NAV3: variants seen among roughly 807,000 people sequenced by gnomAD.
The protein encoded by NAV3 is pore membrane and/or filament interacting like protein 1.
Under a neutral mutation model 244.7 loss-of-function variants are expected in NAV3, and 87 were observed. The ratio of observed to expected loss-of-function variants is 0.36; its 90% CI spans 0.30 to 0.42. The LOEUF (loss-of-function observed/expected upper bound fraction) is 0.42, where lower values mean the gene tolerates loss of function less well. Among genes scored for constraint, NAV3 ranks in the 20% least tolerant of loss-of-function variants. The pLI is 1.00. For synonymous variants in NAV3, 1,126 were observed against 1,042.2 expected (o/e 1.08, Z -1.55); for missense variants, 2,663 against 2,893.3 (o/e 0.92, Z 1.83).
intron 1 of NAV3, among the ~76,000 whole-genome samples, chr12:77,885,137 T>C (rs1416939842): frequency 6.6e-6 from 1 of 152,102 alleles, no homozygotes; most frequent in Non-Finnish European, 1.5e-5. Flanking sequence ...TAATCATTTA[T>C]CTTGAAAGCG....
At chr12:78,016,117 A>G (rs949255757) in intron 8 of NAV3, among the ~76,000 whole-genome samples, 1 of 151,684 alleles carries the variant, frequency 6.6e-6, no homozygotes, top group South Asian at 2.1e-4. Context: ...CACATTCCCT[A>G]ACTTGGCTTT....
intron 15 of NAV3, among the ~76,000 whole-genome samples, chr12:78,120,307 A>G (rs1368701323): frequency 6.6e-6 from 1 of 152,182 alleles, no homozygotes; most frequent in Non-Finnish European, 1.5e-5. Flanking sequence ...TCACATTAAA[A>G]ATTAAAACCA....
intron 2 of NAV3, among the ~76,000 whole-genome samples, chr12:77,809,668 C>G (rs1448113261): frequency 6.6e-6 from 1 of 152,128 alleles, no homozygotes; most frequent in Non-Finnish European, 1.5e-5. Context: ...CCCAGTGAAC[C>G]TGAGGATGAG....
intron 2 of NAV3, among the ~76,000 whole-genome samples, chr12:77,734,329 A>G (rs1321073382): frequency 6.6e-6 from 1 of 151,416 alleles, no homozygotes; most frequent in African/African-American, 2.4e-5. Context: ...TTAAATCTTT[A>G]TGACAACTGT....
At chr12:77,839,599 T>A (rs770563098) in intron 1 of NAV3, among the ~76,000 whole-genome samples, 1 of 152,216 alleles carries the variant, frequency 6.6e-6, no homozygotes, top group Non-Finnish European at 1.5e-5. Context: ...GCTTATAAAC[T>A]ATATGTCAAA....
chr12:78,093,438 C>T (rs112597584), intron 12 of NAV3, among the ~76,000 whole-genome samples: 2 of 152,274 alleles, frequency 1.3e-5, no homozygotes, highest in African/African-American at 4.8e-5. Flanking sequence ...ACAGAGGGAA[C>T]ATTTTGATCT....
chr12:78,007,581 C>T, intron 8 of NAV3, 136 bp downstream of exon 8: 1 of 946,504 alleles, frequency 1.1e-6, no homozygotes, highest in Non-Finnish European at 1.5e-6. Context: ...AGATAGAGGC[C>T]TAGAATTCAG....
chr12:78,180,125 G>A (rs1958437144), intron 29 of NAV3, among the ~76,000 whole-genome samples: 1 of 152,112 alleles, frequency 6.6e-6, no homozygotes, highest in South Asian at 2.1e-4. Flanking sequence ...TCTGAATACA[G>A]AAGTAAAAGT....
intron 2 of NAV3, among the ~76,000 whole-genome samples, chr12:77,602,851 C>T (rs1369528258): frequency 6.6e-6 from 1 of 152,004 alleles, no homozygotes; most frequent in African/African-American, 2.4e-5. Flanking sequence ...CTTTGATCTA[C>T]AGCTCACTTT....
intron 2 of NAV3, among the ~76,000 whole-genome samples, chr12:77,689,077 A>G (rs746421302): frequency 2.6e-5 from 4 of 151,942 alleles, no homozygotes; most frequent in Admixed American, 6.6e-5. Flanking sequence ...GGTTGAGTGT[A>G]CTATTAAAGA....
At chr12:77,937,449 G>A (rs1167582079) in intron 1 of NAV3, among the ~76,000 whole-genome samples, 1 of 152,156 alleles carries the variant, frequency 6.6e-6, no homozygotes, top group Non-Finnish European at 1.5e-5. Flanking sequence ...TTTGGAGAAT[G>A]AAAGTATTCT....
rs1266181261 is a variant in NAV3, at chr12:78,199,366, G to C, written c.6550G>C (p.Val2184Leu). 1.9e-6 allele frequency: 3 copies of C among 1,609,946 alleles called. No individual in the cohort carries two copies. Among genetic ancestry groups the C allele is most frequent in the Non-Finnish European group, 2.5e-6 (3 of 1,178,166 alleles). ...WVLCANHTEP[V>L]KGFLGRYLRR... ...ATTATGTGCAAATCATACAGAACCA[G>C]TGAAAGGCTTTTTAGGCAGATATCT... Residue 2184 changes from valine (V) to leucine (L), a missense_variant, in exon 37 of 40, where the codon GTG becomes CTG. Physicochemically the swap from Val to Leu is conservative, Grantham distance 32. This residue lies in a region of NAV3 where 543 missense variants were observed against 672.4 expected (regional missense o/e 0.81). Coordinates refer to ENST00000397909, the MANE Select transcript of NAV3 (RefSeq NM_001024383.2).
intron 1 of NAV3, among the ~76,000 whole-genome samples, chr12:77,896,979 A>G (rs1002450580): frequency 4.3e-4 from 65 of 152,164 alleles, no homozygotes; most frequent in African/African-American, 1.4e-3. Flanking sequence ...TCCCTGATCA[A>G]AGTGTGGTCT....
At chr12:77,987,173 G>T (rs1433830059) in intron 5 of NAV3, among the ~76,000 whole-genome samples, 1 of 152,014 alleles carries the variant, frequency 6.6e-6, no homozygotes, top group Non-Finnish European at 1.5e-5. Context: ...ATCATATTCT[G>T]TATACAGATT....
chr12:77,819,501 A>G (rs1347473039), intron 2 of NAV3, among the ~76,000 whole-genome samples: 2 of 148,082 alleles, frequency 1.4e-5, no homozygotes, highest in African/African-American at 2.4e-5. Context: ...ACTAAAATGT[A>G]GCTAGTGAAT....
chr12:77,868,721 A>G (rs558095787), intron 1 of NAV3, among the ~76,000 whole-genome samples: 2 of 142,456 alleles, frequency 1.4e-5, no homozygotes, highest in Admixed American at 7.6e-5. Flanking sequence ...GGGCCACTGC[A>G]CTCCAGCCTG....
At chr12:77,703,229 T>C (rs574769058) in intron 2 of NAV3, among the ~76,000 whole-genome samples, 17 of 152,118 alleles carry the variant, frequency 1.1e-4, no homozygotes, top group Non-Finnish European at 2.4e-4. Flanking sequence ...ATCTGTTTTC[T>C]GTCCCTAAAG....
intron 1 of NAV3, among the ~76,000 whole-genome samples, chr12:77,912,176 C>G (rs1886665694): frequency 6.6e-6 from 1 of 152,044 alleles, no homozygotes; most frequent in Admixed American, 6.6e-5. Context: ...TGAATGTGAC[C>G]TTATTTGGAA....
At chr12:77,620,066 C>A (rs976500080) in intron 2 of NAV3, among the ~76,000 whole-genome samples, 2 of 152,080 alleles carry the variant, frequency 1.3e-5, no homozygotes, top group African/African-American at 2.4e-5. Flanking sequence ...TTGGAGAGGA[C>A]TTTTTAGAAC....
Sources: allele counts gnomAD v4.1 joint callset (sites outside exome capture counted in the v4.1 genomes callset), GRCh38; gene constraint gnomAD v4.1.1; regional missense constraint gnomAD v4.1.1; transcripts MANE v1.5; gene names NCBI Gene and HGNC (gene_info 2026-07-23, HGNC 2026-07-21).